ZNF331: variants seen among roughly 807,000 people sequenced by gnomAD.
ZNF331 encodes C2H2-like zinc finger protein rearranged in thyroid adenomas.
Under a neutral mutation model 7.0 loss-of-function variants are expected in ZNF331, and 2 were observed. The observed-to-expected ratio is 0.29, with a 90% CI of 0.12 to 0.90. The LOEUF is 0.90. Ranked by LOEUF, ZNF331 falls within the 40% of genes least tolerant of loss-of-function variation. The pLI is 0.58. For missense variants in ZNF331, 432 were observed against 587.7 expected, an observed-to-expected ratio of 0.74 and a Z score of 2.74; for synonymous variants, 196 against 205.4, an observed-to-expected ratio of 0.95 and a Z score of 0.39.
chr19:53,528,029 A>G (rs1014191710), intron 2 of ZNF331, among the ~76,000 whole-genome samples: 11 of 152,234 alleles, frequency 7.2e-5, no homozygotes, highest in Admixed American at 7.2e-4. Flanking sequence ...AATGACTAAG[A>G]TGGCAACAAT....
At chr19:53,565,790 A>G (rs1390096776) in intron 3 of ZNF331, among the ~76,000 whole-genome samples, 1 of 152,068 alleles carries the variant, frequency 6.6e-6, no homozygotes, top group African/African-American at 2.4e-5. Flanking sequence ...CAGCCTCCCA[A>G]AGTGCTGGGA....
intron 3 of ZNF331, among the ~76,000 whole-genome samples, chr19:53,568,934 G>A (rs2090304355): frequency 7.1e-6 from 1 of 140,384 alleles, no homozygotes; most frequent in Non-Finnish European, 1.5e-5. Context: ...TCAGCTCACT[G>A]CAACCTCCGC....
At chr19:53,574,870 T>G (rs1464350361) in intron 5 of ZNF331, among the ~76,000 whole-genome samples, 1 of 152,216 alleles carries the variant, frequency 6.6e-6, no homozygotes, top group Non-Finnish European at 1.5e-5. Context: ...ACTGTTCATA[T>G]TGGATAAGAA....
upstream of ZNF331, among the ~76,000 whole-genome samples, chr19:53,534,896 T>G (rs1278334362): frequency 1.3e-5 from 2 of 151,992 alleles, no homozygotes; most frequent in African/African-American, 4.8e-5. Context: ...CAAACTTTCC[T>G]GAATAGCTAG....
chr19:53,564,898 G>A (rs2090082021), intron 3 of ZNF331, among the ~76,000 whole-genome samples: 1 of 152,152 alleles, frequency 6.6e-6, no homozygotes, highest in Non-Finnish European at 1.5e-5. Context: ...AACTACATGT[G>A]TATCTACATT....
rs965087953 is a variant in ZNF331 at position 53,573,371 on chromosome 19, C to T, written c.136+1641C>T. On this transcript the variant is annotated intron_variant, in intron 5 of 5. Transcript: ENST00000449416. The surrounding 1 kb of genome is among the most constrained non-coding windows in gnomAD (Gnocchi z 4.2). ...CTCTCCTGAAAATACAAAAATTTGC[C>T]GGGTGTGGTGGCGCATGCCTGTAAT... Among the ~76,000 whole-genome samples, 5 of 152,066 alleles carry T rather than the reference C, an allele frequency of 3.3e-5. No individual in the cohort carries two copies. The highest frequency in any genetic ancestry group is 2.1e-4 in the South Asian group (1 of 4,818).
At chr19:53,517,942 G>C (rs1248100585), upstream of ZNF331, among the ~76,000 whole-genome samples, 1 of 152,172 alleles carries the variant, frequency 6.6e-6, no homozygotes, top group African/African-American at 2.4e-5. Flanking sequence ...TTCCCAAAGA[G>C]GCTTGTGATG....
At chr19:53,559,777 CATAT>C (rs148716631) in intron 3 of ZNF331, among the ~76,000 whole-genome samples, 10 of 150,464 alleles carry the variant, frequency 6.6e-5, no homozygotes, top group African/African-American at 1.7e-4. Flanking sequence ...CCCATATATA[CATAT>C]ATATATACAC....
chr19:53,576,139 C>T (rs969408671), intron 5 of ZNF331, among the ~76,000 whole-genome samples: 4 of 152,108 alleles, frequency 2.6e-5, no homozygotes, highest in African/African-American at 9.7e-5. Flanking sequence ...CATGCGCCAC[C>T]ATGTCCGGCT....
the ZNF331 span, chr19:53,503,495 A>G: frequency 5.2e-5 from 36 of 698,666 alleles, no homozygotes; most frequent in African/African-American, 5.5e-4. Flanking sequence ...CTTTTACATC[A>G]CTGGGTGCAG....
chr19:53,559,570 TAC>T (rs1421184067), intron 3 of ZNF331, among the ~76,000 whole-genome samples: 2 of 149,494 alleles, frequency 1.3e-5, no homozygotes, highest in African/African-American at 5.0e-5. Flanking sequence ...CCTACATATA[TAC>T]ACACATATAT....
At chr19:53,514,901 C>G (rs1384097126), upstream of ZNF331, among the ~76,000 whole-genome samples, 2 of 152,204 alleles carry the variant, frequency 1.3e-5, no homozygotes, top group Middle Eastern at 3.4e-3. Flanking sequence ...TCACCCGCTT[C>G]GGCCTCCCAA....
intron 3 of ZNF331, among the ~76,000 whole-genome samples, chr19:53,566,996 C>T (rs1327325863): frequency 6.6e-6 from 1 of 151,792 alleles, no homozygotes; most frequent in Admixed American, 6.6e-5. Flanking sequence ...TAGACAGATG[C>T]GTGTGTGTGT....
At position 53,573,088 on chromosome 19, in the gene ZNF331, G is replaced by A. The variant is rs374238227; in HGVS notation, c.136+1358G>A. 9.9e-5 allele frequency among the ~76,000 whole-genome samples: 15 copies of A among 152,138 alleles called. No individual in the cohort carries two copies. The highest frequency in any genetic ancestry group is 2.6e-4 in the Admixed American group (4 of 15,266). On this transcript the variant is annotated intron_variant, in intron 5 of 5. Transcript: ENST00000449416. This position sits in a 1 kb window ranked among gnomAD's most constrained non-coding sequence, Gnocchi z 4.2. ...ATAAAAATTAGCCGGGCATGGTGGC[G>A]CACGCCTGTGATCTCAGCTACTCCG...
intron 2 of ZNF331, among the ~76,000 whole-genome samples, chr19:53,542,902 C>T (rs1042514551): frequency 1.4e-4 from 21 of 152,128 alleles, no homozygotes; most frequent in Non-Finnish European, 2.6e-4. Context: ...CTCTGCCTCC[C>T]GGGTTCAAGC....
intron 2 of ZNF331, among the ~76,000 whole-genome samples, chr19:53,531,028 A>G (rs894711193): frequency 6.6e-6 from 1 of 152,084 alleles, no homozygotes. Context: ...TGTCATAGAT[A>G]TGGCCTGAGG....
At chr19:53,569,510 T>C in intron 4 of ZNF331, 125 bp downstream of exon 4, 2 of 1,121,472 alleles carry the variant, frequency 1.8e-6, no homozygotes, top group Non-Finnish European at 2.6e-6. Context: ...CAGCTCTTTC[T>C]ATTCCAGTGA....
intron 3 of ZNF331, 145 bp from the exon 4 acceptor site, chr19:53,569,159 T>A: frequency 3.8e-6 from 2 of 526,406 alleles, no homozygotes; most frequent in Admixed American, 6.7e-5. Context: ...CCTGGCCTGA[T>A]CCATGATACT....
In ZNF331 at chr19:53,576,735, GA is replaced by G; in HGVS notation, c.182del (p.Asn61ThrfsTer5). 6.2e-7 allele frequency: 1 copy of G among 1,611,844 alleles called. No homozygotes were observed. The highest frequency in any genetic ancestry group is 8.5e-7 in the Non-Finnish European group (1 of 1,179,356). On this transcript the variant is annotated frameshift_variant, in exon 6 of 6. Transcript: ENST00000449416. LOFTEE classifies it low-confidence loss of function (END_TRUNC). ...SAYENKSLPT[E>X]KNIHEIRASK... ...ATATGAAAATAAGAGTTTACCTACA[GA>G]AAAAAACATTCATGAAATAAGGGCT...
Sources: allele counts gnomAD v4.1 joint callset (sites outside exome capture counted in the v4.1 genomes callset), GRCh38; gene constraint gnomAD v4.1.1; non-coding constraint Gnocchi (gnomAD v3.1); transcripts MANE v1.5; gene names NCBI Gene and HGNC (gene_info 2026-07-23, HGNC 2026-07-21).